FOXP2: variants seen among roughly 807,000 people sequenced by gnomAD.
FOXP2 encodes forkhead box protein P2.
Under a neutral mutation model 115.8 loss-of-function variants are expected in FOXP2, and 12 were observed. That is an observed-to-expected ratio of 0.10 (90% CI 0.07 to 0.17). FOXP2 has a LOEUF of 0.17. FOXP2 is among the 10% of genes least tolerant of loss of function. The pLI, the probability that FOXP2 is intolerant of heterozygous loss-of-function variation, is 1.00. For missense variants in FOXP2, 629 were observed against 843.5 expected (o/e 0.75, Z 3.15); for synonymous variants, 328 against 297.7 (o/e 1.10, Z -1.05).
chr7:114,685,562 C>A (rs143924886), intron 16 of FOXP2, among the ~76,000 whole-genome samples: 1 of 152,006 alleles, frequency 6.6e-6, no homozygotes, highest in Admixed American at 6.6e-5. Context: ...GCAATAATGG[C>A]GTTATAATGG....
chr7:114,550,846 T>A (rs901841373), intron 3 of FOXP2, among the ~76,000 whole-genome samples: 8 of 152,206 alleles, frequency 5.3e-5, no homozygotes, highest in Non-Finnish European at 8.8e-5. Flanking sequence ...GTTCTAAGAA[T>A]AATTGATAGT....
At chr7:114,217,126 A>C (rs1326071974) in intron 1 of FOXP2, among the ~76,000 whole-genome samples, 1 of 152,194 alleles carries the variant, frequency 6.6e-6, no homozygotes. Flanking sequence ...CTTCCAGTCT[A>C]TACCTTGGAA....
At chr7:114,645,889 G>C (rs1030821918) in intron 8 of FOXP2, 7 of 151,850 alleles carry the variant, frequency 4.6e-5, no homozygotes, top group African/African-American at 1.7e-4. Flanking sequence ...CTAATTAAGA[G>C]AAAATTTGCT....
At position 114,100,110 on chromosome 7, in the gene FOXP2, A is replaced by T. The variant is rs1799745006; in HGVS notation, c.-247+12272A>T. On this transcript the variant is annotated intron_variant, in intron 1 of 19. Transcript: ENST00000635638. ...TTTGTAATGTCTAATATTTGAAAAA[A>T]ATTAATTGATACAAAGTTCTTCCTT... 2.0e-5 allele frequency among the ~76,000 whole-genome samples: 3 copies of T among 152,200 alleles called. No individual in the cohort carries two copies. In the South Asian group the frequency reaches 6.2e-4, roughly 31 times the overall value.
chr7:114,116,756 T>C (rs1227069488), intron 1 of FOXP2, among the ~76,000 whole-genome samples: 1 of 152,106 alleles, frequency 6.6e-6, no homozygotes, highest in Non-Finnish European at 1.5e-5. Context: ...TAAACATTAA[T>C]GTGGAAGAAA....
At chr7:114,526,034 C>G (rs987952383) in intron 2 of FOXP2, among the ~76,000 whole-genome samples, 1 of 151,764 alleles carries the variant, frequency 6.6e-6, no homozygotes, top group Non-Finnish European at 1.5e-5. Flanking sequence ...ATCGCTTGAA[C>G]CTGGGAGGCA....
intron 1 of FOXP2, among the ~76,000 whole-genome samples, chr7:114,266,774 A>G (rs1170096782): frequency 6.6e-6 from 1 of 152,122 alleles, no homozygotes; most frequent in East Asian, 1.9e-4. Context: ...TGTTATTTCC[A>G]CTGAACTTCA....
At chr7:114,684,439 C>A (rs1808251664) in intron 16 of FOXP2, among the ~76,000 whole-genome samples, 1 of 152,090 alleles carries the variant, frequency 6.6e-6, no homozygotes, top group African/African-American at 2.4e-5. Context: ...ATGGGATGCC[C>A]AAAATAATGC....
intron 1 of FOXP2, among the ~76,000 whole-genome samples, chr7:114,204,120 T>C (rs1456601457): frequency 6.6e-6 from 1 of 152,186 alleles, no homozygotes; most frequent in Non-Finnish European, 1.5e-5. Flanking sequence ...TAGATCAATA[T>C]GTCCGATAAA....
intron 1 of FOXP2, among the ~76,000 whole-genome samples, chr7:114,142,491 A>C (rs1792245340): frequency 6.6e-6 from 1 of 152,208 alleles, no homozygotes; most frequent in Admixed American, 6.5e-5. Flanking sequence ...GCTAGATGAA[A>C]TGCTAAGTAT....
chr7:114,211,174 C>T (rs928449788), intron 1 of FOXP2, among the ~76,000 whole-genome samples: 36 of 152,204 alleles, frequency 2.4e-4, no homozygotes, highest in African/African-American at 8.2e-4. Flanking sequence ...CGCTGCTTGG[C>T]TCCCTGTATT....
chr7:114,161,377 T>A (rs888665092), upstream of FOXP2, among the ~76,000 whole-genome samples: 3 of 152,192 alleles, frequency 2.0e-5, no homozygotes, highest in African/African-American at 7.2e-5. Context: ...ATCATTTACA[T>A]TGGTTAAAAA....
chr7:114,212,718 A>T (rs1417083452), intron 1 of FOXP2, among the ~76,000 whole-genome samples: 1 of 152,252 alleles, frequency 6.6e-6, no homozygotes, highest in Non-Finnish European at 1.5e-5. Context: ...TACATAAAAC[A>T]CAAGATGGCA....
chr7:114,647,863 G>A (rs951896327), intron 8 of FOXP2, among the ~76,000 whole-genome samples: 3 of 152,010 alleles, frequency 2.0e-5, no homozygotes, highest in Non-Finnish European at 4.4e-5. Context: ...GCAGACAAGT[G>A]TTCTTGAACC....
At position 114,692,163 on chromosome 7, in the gene FOXP2, T is replaced by A. The variant is rs1396401520; in HGVS notation, c.*2237T>A. The A allele has an allele frequency of 4.4e-6, 2 of 453,906 alleles. No homozygotes were observed. Among genetic ancestry groups the A allele is most frequent in the Non-Finnish European group, 8.8e-6 (2 of 226,700 alleles). The allele number at this position is 453,906 out of a possible 1,614,324, so 28.1% of individuals were successfully genotyped here. On this transcript the variant is annotated 3_prime_UTR_variant, in exon 17 of 17. Coordinates refer to ENST00000350908, the MANE Select transcript of FOXP2 (RefSeq NM_014491.4). ...GATTATCTGAAAGGAAAAATGGGTC[T>A]TTCAGGTGCATGTTCAAAAGGCTTT...
At chr7:114,238,331 A>G (rs1255957814) in intron 1 of FOXP2, among the ~76,000 whole-genome samples, 1 of 151,968 alleles carries the variant, frequency 6.6e-6, no homozygotes, top group East Asian at 1.9e-4. Context: ...TAGTTTTAAA[A>G]CTCTACACAA....
At chr7:114,574,594 C>A (rs972368345) in intron 3 of FOXP2, among the ~76,000 whole-genome samples, 1 of 151,806 alleles carries the variant, frequency 6.6e-6, no homozygotes, top group African/African-American at 2.4e-5. Flanking sequence ...TCATTCACTA[C>A]TCTCTAACTA....
chr7:114,221,356 A>T lies in FOXP2; in HGVS notation c.-102+58268A>T, dbSNP rs906328815. ...GGGCAGAGGGCTGGGTACTGCCAAG[A>T]CATATTTTGTACTTAAAAATGTCCT... On this transcript the variant is annotated intron_variant, in intron 1 of 17. Coordinates refer to the FOXP2 transcript ENST00000634411. Among the ~76,000 whole-genome samples the T allele has an allele frequency of 2.0e-5, 3 of 152,202 alleles. No homozygotes were observed. In the East Asian group the frequency reaches 5.8e-4, roughly 29 times the overall value.
chr7:114,658,284 C>A lies in FOXP2; in HGVS notation c.1468+17C>A. On this transcript the variant is annotated intron_variant, in intron 11 of 16. Coordinates refer to ENST00000350908, the MANE Select transcript of FOXP2 (RefSeq NM_014491.4). ...TGTCATCAGGTAGGATATGAATGCT[C>A]AGTAGAGCACTTTTACTTTGGGAGA... 6.2e-7 allele frequency: 1 copy of A among 1,612,448 alleles called. No homozygotes were observed. Among genetic ancestry groups the A allele is most frequent in the South Asian group, 1.1e-5 (1 of 90,982 alleles).
Sources: gnomAD v4.1 joint callset for allele counts (sites outside exome capture counted in the v4.1 genomes callset) on GRCh38, gnomAD v4.1.1 for gene constraint, MANE v1.5 for transcripts, NCBI Gene and HGNC (gene_info 2026-07-23, HGNC 2026-07-21) for gene names.